Variants in SEC24A observed in about 807,000 individuals in gnomAD.
SEC24A encodes the protein SEC24 homolog A, COPII component, also known as protein transport protein Sec24A.
In SEC24A, 93 loss-of-function variants were observed where a neutral mutation model predicts 129.4. That is an observed-to-expected ratio of 0.72 (90% CI 0.61 to 0.85). The LOEUF (loss-of-function observed/expected upper bound fraction) is 0.85, where lower values mean the gene tolerates loss of function less well. SEC24A is among the 40% of genes least tolerant of loss of function. The pLI, the probability that SEC24A is intolerant of heterozygous loss-of-function variation, is 0.00. For synonymous variants in SEC24A, 460 were observed against 467.3 expected, an observed-to-expected ratio of 0.98 and a Z score of 0.20; for missense variants, 1,264 against 1,307.4, an observed-to-expected ratio of 0.97 and a Z score of 0.51.
rs371663449 is a variant in SEC24A at position 134,702,673 on chromosome 5, A to G, written c.2267-1086A>G. Reference sequence around the variant, plus strand: ...TGAAGATTCATTAATTTTAGATCATATAAATCCATCACATTAATTTAAACT... The same window carrying G: ...TGAAGATTCATTAATTTTAGATCATGTAAATCCATCACATTAATTTAAACT... On this transcript the variant is annotated intron_variant, in intron 15 of 22. Coordinates refer to ENST00000398844, the MANE Select transcript of SEC24A (RefSeq NM_021982.3). Among the ~76,000 whole-genome samples, 65 of 152,338 alleles carry G rather than the reference A, an allele frequency of 4.3e-4. 1 individual carries two copies. Among genetic ancestry groups the G allele is most frequent in the African/African-American group, 1.5e-3 (64 of 41,580 alleles).
rs760511479 is a variant in SEC24A at position 134,679,601 on chromosome 5, G to C, written c.1255-1G>C. On this transcript the variant is annotated splice_acceptor_variant, in intron 7 of 22. Coordinates refer to ENST00000398844, the MANE Select transcript of SEC24A (RefSeq NM_021982.3). LOFTEE classifies it high-confidence loss of function. The stretch of plus-strand genomic sequence containing the variant: ...ATTTAATTCTGTTTTTTTTTTTCCA[G>C]CAATTGCCTGTGGTTACCTCCAGTA... The C allele has an allele frequency of 6.5e-7, 1 of 1,536,116 alleles. No homozygotes were observed. Among genetic ancestry groups the C allele is most frequent in the South Asian group, 1.2e-5 (1 of 80,164 alleles).
At position 134,692,630 on chromosome 5, in the gene SEC24A, A is replaced by G. The variant is rs1169529356; in HGVS notation, c.1752A>G (p.Leu584=). The change falls in exon 12 of 23, where the codon TTA becomes TTG. Residue 584 remains leucine, a synonymous_variant. Coordinates refer to ENST00000398844, the MANE Select transcript of SEC24A (RefSeq NM_021982.3). ...EDVFIPMPEN[L]LVNLNESKEL... Reference sequence around the variant, plus strand: ...TTTTTATACCTATGCCAGAGAACTTATTAGTAAACTTAAATGAAAGTAAAG... The same window carrying G: ...TTTTTATACCTATGCCAGAGAACTTGTTAGTAAACTTAAATGAAAGTAAAG... The G allele has an allele frequency of 1.4e-6, 2 of 1,420,380 alleles. No individual in the cohort carries two copies. Among genetic ancestry groups the G allele is most frequent in the Non-Finnish European group, 2.0e-6 (2 of 1,008,212 alleles). The allele number at this position is 1,420,380 out of a possible 1,614,324, so 88.0% of individuals were successfully genotyped here.
chr5:134,661,770 TTAAG>T (rs946708444), intron 2 of SEC24A, among the ~76,000 whole-genome samples, 184 bp downstream of exon 2: 2 of 151,918 alleles, frequency 1.3e-5, no homozygotes, highest in African/African-American at 4.8e-5. Context: ...GCTAGACAAA[TTAAG>T]TAAGCTATAA....
At chr5:134,682,277 A>C (rs1751301389) in intron 8 of SEC24A, 96 bp from the exon 9 acceptor site, 1 of 637,908 alleles carries the variant, frequency 1.6e-6, no homozygotes, top group African/African-American at 1.9e-5. Context: ...CATTTAATGA[A>C]TGTTTGTCAT....
intron 1 of SEC24A, among the ~76,000 whole-genome samples, chr5:134,653,245 C>T (rs1250223184): frequency 4.0e-5 from 6 of 151,684 alleles, no homozygotes; most frequent in East Asian, 3.9e-4. Flanking sequence ...GTTCCAGTTT[C>T]GTTTGTTTGT....
intron 2 of SEC24A, 45 bp downstream of exon 2, chr5:134,661,631 T>G: frequency 7.0e-7 from 1 of 1,429,254 alleles, no homozygotes; most frequent in South Asian, 1.2e-5. Context: ...ATGTGAAACT[T>G]TTGCTTATTT....
intron 15 of SEC24A, among the ~76,000 whole-genome samples, chr5:134,701,702 A>C (rs1351517347): frequency 6.6e-6 from 1 of 151,498 alleles, no homozygotes; most frequent in Middle Eastern, 3.2e-3. Context: ...GTAGAGACGG[A>C]GTTTCACCAT....
At chr5:134,667,355 C>T (rs1170771747) in intron 3 of SEC24A, among the ~76,000 whole-genome samples, 4 of 151,882 alleles carry the variant, frequency 2.6e-5, no homozygotes, top group Non-Finnish European at 5.9e-5. Flanking sequence ...CTTTTTCATT[C>T]AAGACGTATT....
intron 13 of SEC24A, among the ~76,000 whole-genome samples, chr5:134,694,609 T>TGCACTCCA (rs1751762203): frequency 1.3e-5 from 2 of 150,466 alleles, no homozygotes; most frequent in Non-Finnish European, 1.5e-5. Flanking sequence ...ATTGCGGCAC[T>TGCACTCCA]GCACTCCAGC....
Position 134,666,826 on chromosome 5 carries a change from C to T in SEC24A, c.569C>T (p.Pro190Leu). 6.2e-7 allele frequency: 1 copy of T among 1,613,888 alleles called. No homozygotes were observed. Among genetic ancestry groups the T allele is most frequent in the Non-Finnish European group, 8.5e-7 (1 of 1,179,932 alleles). ...SLQNSFIKSG[P>L]SVPPLVNPPL... ...TGAAAAACCAATGTTTCCATAGGTC[C>T]TTCTGTACCTCCCTTAGTGAATCCA... Residue 190 changes from proline to leucine, a missense_variant, in exon 3 of 23, where the codon CCT becomes CTT. By Grantham distance (98) the Pro-to-Leu change is moderately conservative. Transcript: ENST00000398844.
chr5:134,688,526 T>C (rs922806021), intron 11 of SEC24A, among the ~76,000 whole-genome samples: 6 of 152,180 alleles, frequency 3.9e-5, no homozygotes, highest in African/African-American at 7.2e-5. Flanking sequence ...AACAAGTTAA[T>C]GTTAGAACTC....
chr5:134,655,668 A>AAAAT lies in SEC24A; in HGVS notation c.98-5432_98-5429dup, dbSNP rs111380952. ...GGGCGACAGAGCAAGAATTCATCTC[A>AAAAT]AAATAAATAAATAAATAAATAAGGC... is the stretch of plus-strand genomic sequence containing the variant. On this transcript the variant is annotated intron_variant, in intron 1 of 22. Coordinates refer to ENST00000398844, the MANE Select transcript of SEC24A (RefSeq NM_021982.3). Among the ~76,000 whole-genome samples the AAAAT allele has an allele frequency of 5.5e-4, 83 of 152,132 alleles. No homozygotes were observed. In the East Asian group the frequency reaches 6.6e-3, roughly 12 times the overall value.
chr5:134,693,717 G>T lies in SEC24A; in HGVS notation c.1780-10G>T, dbSNP rs1751733460. On this transcript the variant is annotated splice_polypyrimidine_tract_variant and intron_variant, in intron 12 of 22. Coordinates refer to ENST00000398844, the MANE Select transcript of SEC24A (RefSeq NM_021982.3). ...TATGACACTTGAGTTTTCTTGCTTT[G>T]TTTTACAAGCTCGTGCAAGATTTAC... The T allele has an allele frequency of 6.2e-7, 1 of 1,610,878 alleles. No homozygotes were observed. Among genetic ancestry groups the T allele is most frequent in the East Asian group, 2.2e-5 (1 of 44,830 alleles).
At chr5:134,680,575 T>C (rs1751231168) in intron 8 of SEC24A, among the ~76,000 whole-genome samples, 2 of 152,046 alleles carry the variant, frequency 1.3e-5, no homozygotes, top group Admixed American at 1.3e-4. Flanking sequence ...TCAAGTGATC[T>C]GCCCACCTCA....
chr5:134,700,192 T>C (rs1316009365), intron 15 of SEC24A, among the ~76,000 whole-genome samples: 1 of 151,960 alleles, frequency 6.6e-6, no homozygotes, highest in Non-Finnish European at 1.5e-5. Context: ...TAATGGGGTG[T>C]AGAGTGGTAA....
intron 2 of SEC24A, among the ~76,000 whole-genome samples, chr5:134,664,301 G>A (rs1750577882): frequency 1.3e-5 from 2 of 151,804 alleles, no homozygotes; most frequent in Non-Finnish European, 2.9e-5. Flanking sequence ...AAAGCTGTGA[G>A]TATTTAGGTT....
rs995485865 is a variant in SEC24A at position 134,727,436 on chromosome 5, C to T, written c.*2342C>T. ...TGTAAGTCTGACATACTAATAGTCA[C>T]TCAAGCAGTACCATTTATTTTAGTT... On this transcript the variant is annotated 3_prime_UTR_variant, in exon 23 of 23. Transcript: ENST00000398844. The T allele has an allele frequency of 4.6e-5, 7 of 152,496 alleles. No homozygotes were observed. The highest frequency in any genetic ancestry group is 2.1e-4 in the South Asian group (1 of 4,836). The allele number at this position is 152,496 out of a possible 1,614,324, so 9.4% of individuals were successfully genotyped here. A position where few individuals can be genotyped will look rare whatever the true frequency, so the allele number is the denominator to read the frequency against.
At chr5:134,697,360 GTT>G (rs1431617936) in intron 14 of SEC24A, 114 bp downstream of exon 14, 1 of 832,824 alleles carries the variant, frequency 1.2e-6, no homozygotes, top group African/African-American at 1.7e-5. Context: ...CCTTGGGAAA[GTT>G]AATCAGTCAG....
chr5:134,688,143 TA>T (rs766009515), intron 10 of SEC24A, 37 bp from the exon 11 acceptor site: 3 of 1,173,042 alleles, frequency 2.6e-6, no homozygotes, highest in Non-Finnish European at 3.9e-6. Flanking sequence ...TGTATGTGGT[TA>T]AAACTTGATA....
Sources: allele counts gnomAD v4.1 joint callset (sites outside exome capture counted in the v4.1 genomes callset), GRCh38; gene constraint gnomAD v4.1.1; transcripts MANE v1.5; gene names NCBI Gene and HGNC (gene_info 2026-07-23, HGNC 2026-07-21).